The following UBE2E2 variants were observed in gnomAD, a reference collection of about 807,000 sequenced individuals.
The protein encoded by UBE2E2 is ubiquitin-conjugating enzyme E2 E2.
UBE2E2 carries 6 observed loss-of-function variants against 24.7 expected under a neutral mutation model. The observed-to-expected ratio is 0.24, with a 90% CI of 0.13 to 0.48. The LOEUF is 0.48. Among genes scored for constraint, UBE2E2 ranks in the 20% least tolerant of loss-of-function variants. The probability of loss-of-function intolerance (pLI) is 0.99; values close to 1 mark genes in which losing one functional copy is unlikely to be tolerated. For synonymous variants in UBE2E2, 104 were observed against 83.6 expected, an observed-to-expected ratio of 1.24 and a Z score of -1.33; for missense variants, 169 against 245.0, an observed-to-expected ratio of 0.69 and a Z score of 2.07.
intron 3 of UBE2E2, among the ~76,000 whole-genome samples, chr3:23,301,661 A>G (rs187298552): frequency 2.6e-4 from 40 of 152,234 alleles, no homozygotes; most frequent in African/African-American, 9.6e-4. Context: ...TCAGAGGAGT[A>G]CCCGGCCGTG....
At chr3:23,370,077 A>C (rs1313898673) in intron 3 of UBE2E2, among the ~76,000 whole-genome samples, 1 of 152,172 alleles carries the variant, frequency 6.6e-6, no homozygotes, top group Non-Finnish European at 1.5e-5. Flanking sequence ...CAGTCACCAG[A>C]ACATGTTTCT....
chr3:23,351,589 C>A (rs1575579361), intron 3 of UBE2E2, among the ~76,000 whole-genome samples: 1 of 152,208 alleles, frequency 6.6e-6, no homozygotes, highest in East Asian at 1.9e-4. Context: ...CAATCCTAGT[C>A]TCTGATAAAA....
intron 3 of UBE2E2, among the ~76,000 whole-genome samples, chr3:23,266,874 C>G (rs2125358684): frequency 6.6e-6 from 1 of 152,302 alleles, no homozygotes. Context: ...ACAGTGCAAT[C>G]AAACTAGAAC....
Position 23,296,728 on chromosome 3 carries a change from T to A in UBE2E2, c.227+79416T>A, listed in dbSNP as rs147531682. On this transcript the variant is annotated intron_variant, in intron 3 of 5. Transcript: ENST00000396703. ...TGTCATTGTTGGACATTTAGGTTGG[T>A]TCCAAGTCTTTGCTATTGTGAATAG... 3.0e-4 allele frequency among the ~76,000 whole-genome samples: 46 copies of A among 152,342 alleles called. No individual in the cohort carries two copies. The East Asian group carries it at 8.5e-3, about 28-fold the overall frequency.
At chr3:23,564,217 C>G (rs1192650130) in intron 5 of UBE2E2, among the ~76,000 whole-genome samples, 1 of 152,072 alleles carries the variant, frequency 6.6e-6, no homozygotes, top group Middle Eastern at 3.4e-3. Flanking sequence ...CATTGCCTCT[C>G]CCCACTTCCC....
intron 3 of UBE2E2, among the ~76,000 whole-genome samples, chr3:23,298,415 G>C (rs1467066279): frequency 2.0e-5 from 3 of 152,046 alleles, no homozygotes; most frequent in Non-Finnish European, 2.9e-5. Context: ...TATGATATTG[G>C]CTGTAGGTTT....
intron 3 of UBE2E2, among the ~76,000 whole-genome samples, chr3:23,415,472 T>A (rs1373028065): frequency 1.3e-5 from 2 of 152,258 alleles, no homozygotes; most frequent in East Asian, 3.8e-4. Context: ...GGAATGAGGC[T>A]GGAGTACATT....
At chr3:23,299,732 G>T (rs1224550939) in intron 3 of UBE2E2, among the ~76,000 whole-genome samples, 2 of 152,158 alleles carry the variant, frequency 1.3e-5, no homozygotes, top group African/African-American at 4.8e-5. Context: ...AGTAGGTGTG[G>T]TGTGGTGCTG....
At chr3:23,410,911 C>A (rs531030148) in intron 3 of UBE2E2, among the ~76,000 whole-genome samples, 15 of 152,258 alleles carry the variant, frequency 9.9e-5, no homozygotes, top group African/African-American at 3.6e-4. Flanking sequence ...TTGAAAAACA[C>A]TTAAAGAAGC....
chr3:23,411,848 T>C (rs1212342634), intron 3 of UBE2E2, among the ~76,000 whole-genome samples: 1 of 152,220 alleles, frequency 6.6e-6, no homozygotes, highest in Non-Finnish European at 1.5e-5. Flanking sequence ...ATAATTATTA[T>C]GTGTGATGAT....
chr3:23,545,930 G>A (rs1291152597), intron 5 of UBE2E2, among the ~76,000 whole-genome samples: 1 of 152,120 alleles, frequency 6.6e-6, no homozygotes, highest in Non-Finnish European at 1.5e-5. Flanking sequence ...AATACCTTAA[G>A]TTCTCACTTA....
At chr3:23,490,943 T>G (rs886344963) in intron 3 of UBE2E2, among the ~76,000 whole-genome samples, 18 of 152,190 alleles carry the variant, frequency 1.2e-4, no homozygotes, top group African/African-American at 4.3e-4. Flanking sequence ...TCCCATTTAT[T>G]AAGCATTCAC....
chr3:23,454,346 G>T (rs914836019), intron 3 of UBE2E2, among the ~76,000 whole-genome samples: 4 of 152,098 alleles, frequency 2.6e-5, no homozygotes, highest in Non-Finnish European at 5.9e-5. Context: ...AAAAAGAATG[G>T]TTTATTTTAA....
chr3:23,402,029 G>A (rs1407962884), intron 3 of UBE2E2, among the ~76,000 whole-genome samples: 2 of 151,570 alleles, frequency 1.3e-5, no homozygotes, highest in African/African-American at 4.8e-5. Flanking sequence ...GCTAATTTGT[G>A]TATTTTTAGT....
chr3:23,208,134 C>G (rs1176116599), intron 1 of UBE2E2, among the ~76,000 whole-genome samples: 2 of 152,002 alleles, frequency 1.3e-5, no homozygotes, highest in Non-Finnish European at 2.9e-5. Flanking sequence ...TCGAGTCCCA[C>G]TACGTTGCCC....
At chr3:23,454,948 G>A (rs910119320) in intron 3 of UBE2E2, among the ~76,000 whole-genome samples, 7 of 152,092 alleles carry the variant, frequency 4.6e-5, no homozygotes, top group South Asian at 4.1e-4. Context: ...GGGTGTATCC[G>A]AGATTATGAA....
intron 3 of UBE2E2, among the ~76,000 whole-genome samples, chr3:23,457,607 C>G (rs1013354054): frequency 6.6e-6 from 1 of 152,114 alleles, no homozygotes; most frequent in East Asian, 1.9e-4. Flanking sequence ...TCACTGCAGC[C>G]TCAACCTCCC....
intron 3 of UBE2E2, among the ~76,000 whole-genome samples, chr3:23,466,905 A>G (rs905141884): frequency 1.4e-4 from 21 of 152,180 alleles, no homozygotes; most frequent in Admixed American, 5.9e-4. Context: ...TTATAATGAC[A>G]TATTCATTAT....
chr3:23,243,837 A>G (rs1697317992), intron 3 of UBE2E2, among the ~76,000 whole-genome samples: 1 of 151,900 alleles, frequency 6.6e-6, no homozygotes, highest in South Asian at 2.1e-4. Context: ...GAAGCAGCAG[A>G]GTTTGTTCCA....
Sources: gnomAD v4.1 joint callset for allele counts (sites outside exome capture counted in the v4.1 genomes callset) on GRCh38, gnomAD v4.1.1 for gene constraint, MANE v1.5 for transcripts, NCBI Gene and HGNC (gene_info 2026-07-23, HGNC 2026-07-21) for gene names.